The following SORD variants were observed in gnomAD, a reference collection of about 807,000 sequenced individuals.
SORD encodes (R,R)-butanediol dehydrogenase.
A neutral mutation model predicts 35.6 loss-of-function variants in SORD; 18 were observed. The ratio of observed to expected loss-of-function variants is 0.51; its 90% CI spans 0.35 to 0.75. The LOEUF is 0.75. Ranked by LOEUF, SORD falls within the 30% of genes least tolerant of loss-of-function variation. SORD has a pLI of 0.01. For synonymous variants in SORD, 106 were observed against 152.9 expected, an observed-to-expected ratio of 0.69 and a Z score of 2.26; for missense variants, 250 against 390.2, an observed-to-expected ratio of 0.64 and a Z score of 3.03.
chr15:45,050,307 T>C (rs1893105549), intron 3 of SORD, among the ~76,000 whole-genome samples: 2 of 152,188 alleles, frequency 1.3e-5, no homozygotes, highest in African/African-American at 4.8e-5. Flanking sequence ...GGTCTCGATC[T>C]CCTGACCTTG....
chr15:45,054,628 G>A (rs1893183507), intron 3 of SORD, among the ~76,000 whole-genome samples: 1 of 151,960 alleles, frequency 6.6e-6, no homozygotes, highest in African/African-American at 2.4e-5. Flanking sequence ...TTCTTTTGCT[G>A]TGCAGAAGCT....
intron 1 of SORD, among the ~76,000 whole-genome samples, chr15:45,026,990 A>C (rs371327533): frequency 1.3e-3 from 202 of 152,322 alleles, no homozygotes; most frequent in African/African-American, 4.7e-3. Flanking sequence ...GCACGGAACA[A>C]AAAATTAAAC....
intron 1 of SORD, among the ~76,000 whole-genome samples, chr15:45,034,700 C>T (rs1223022613): frequency 6.8e-6 from 1 of 147,480 alleles, no homozygotes; most frequent in Non-Finnish European, 1.5e-5. Flanking sequence ...CTTCGCTCTC[C>T]GCGCCTCCTC....
At chr15:45,032,519 G>T (rs1172337986) in intron 1 of SORD, among the ~76,000 whole-genome samples, 1 of 152,070 alleles carries the variant, frequency 6.6e-6, no homozygotes, top group Non-Finnish European at 1.5e-5. Flanking sequence ...CCTCCTGCGG[G>T]ATCTGAAAGA....
At chr15:45,045,483 A>G (rs1211212294) in intron 3 of SORD, among the ~76,000 whole-genome samples, 4 of 137,020 alleles carry the variant, frequency 2.9e-5, no homozygotes, top group South Asian at 2.5e-4. Flanking sequence ...CAGTGAGCTG[A>G]GATTGTGCCA....
At chr15:45,064,160 G>A (rs1893368315) in intron 4 of SORD, among the ~76,000 whole-genome samples, 1 of 150,880 alleles carries the variant, frequency 6.6e-6, no homozygotes, top group Admixed American at 6.6e-5. Context: ...GGTAAATCCT[G>A]GGCAGTGAGG....
intron 3 of SORD, among the ~76,000 whole-genome samples, chr15:45,044,756 T>C (rs1190641166): frequency 6.6e-6 from 1 of 150,830 alleles, no homozygotes; most frequent in African/African-American, 2.4e-5. Flanking sequence ...TGGAGTGCAG[T>C]GGTGCAATCT....
intron 1 of SORD, among the ~76,000 whole-genome samples, chr15:45,031,025 G>A (rs1379891121): frequency 6.6e-6 from 1 of 152,252 alleles, no homozygotes; most frequent in Non-Finnish European, 1.5e-5. Context: ...ACACACACAG[G>A]CAGTGATAGG....
At chr15:45,057,566 T>C (rs1423286671) in intron 3 of SORD, among the ~76,000 whole-genome samples, 7 of 152,236 alleles carry the variant, frequency 4.6e-5, no homozygotes, top group Non-Finnish European at 8.8e-5. Context: ...GGGCAGATCA[T>C]GAGGTCAGGA....
chr15:45,036,897 A>G (rs1892878097), intron 1 of SORD, among the ~76,000 whole-genome samples: 1 of 152,242 alleles, frequency 6.6e-6, no homozygotes, highest in Admixed American at 6.5e-5. Flanking sequence ...TATCTGAGAC[A>G]GAAAAAGATT....
intron 1 of SORD, among the ~76,000 whole-genome samples, chr15:45,034,833 G>C (rs542359670): frequency 6.6e-6 from 1 of 152,246 alleles, no homozygotes; most frequent in Non-Finnish European, 1.5e-5. Context: ...GAGGTGTGGA[G>C]AGAGAGGCGC....
chr15:45,028,869 T>C (rs907526692), intron 1 of SORD, among the ~76,000 whole-genome samples: 19 of 152,254 alleles, frequency 1.2e-4, no homozygotes, highest in African/African-American at 4.6e-4. Context: ...TGTTAAGATT[T>C]TGGGGTGAGA....
At chr15:45,033,004 A>G (rs1252626918) in intron 1 of SORD, among the ~76,000 whole-genome samples, 1 of 152,054 alleles carries the variant, frequency 6.6e-6, no homozygotes, top group African/African-American at 2.4e-5. Context: ...CTGGGATGAG[A>G]CCAGCACTTT....
intron 1 of SORD, among the ~76,000 whole-genome samples, chr15:45,036,537 A>G (rs2141266833): frequency 6.6e-6 from 1 of 151,966 alleles, no homozygotes; most frequent in Middle Eastern, 3.4e-3. Context: ...ACCAAAAATA[A>G]AAAAAAATTA....
chr15:45,057,932 T>C (rs1893243528), intron 3 of SORD, among the ~76,000 whole-genome samples: 1 of 152,236 alleles, frequency 6.6e-6, no homozygotes, highest in South Asian at 2.1e-4. Flanking sequence ...AAAAAGGTCC[T>C]TACTAGGTGA....
chr15:45,029,965 C>A (rs773999029), intron 1 of SORD, among the ~76,000 whole-genome samples: 30,962 of 150,206 alleles, frequency 0.21, no homozygotes, highest in African/African-American at 0.44. Context: ...AAAAGGTTAA[C>A]GTGAAGACAC....
At chr15:45,058,192 T>A (rs1401324045) in intron 3 of SORD, among the ~76,000 whole-genome samples, 1 of 152,146 alleles carries the variant, frequency 6.6e-6, no homozygotes, top group African/African-American at 2.4e-5. Context: ...CGTGATGGGC[T>A]GTCAGGAACT....
intron 3 of SORD, among the ~76,000 whole-genome samples, chr15:45,052,152 A>G (rs1212082334): frequency 2.6e-5 from 4 of 152,220 alleles, no homozygotes. Context: ...TCTGGGAGGA[A>G]AGTGGCTGGG....
intron 3 of SORD, among the ~76,000 whole-genome samples, chr15:45,049,462 T>C (rs1197558813): frequency 6.6e-6 from 1 of 152,066 alleles, no homozygotes; most frequent in Non-Finnish European, 1.5e-5. Flanking sequence ...GAAAAAACAA[T>C]GTGGGTTATT....
Sources: gnomAD v4.1 joint callset for allele counts (sites outside exome capture counted in the v4.1 genomes callset) on GRCh38, gnomAD v4.1.1 for gene constraint, MANE v1.5 for transcripts, NCBI Gene and HGNC (gene_info 2026-07-23, HGNC 2026-07-21) for gene names.